TNS3: variants seen among roughly 807,000 people sequenced by gnomAD.
TNS3 encodes tensin 3.
A neutral mutation model predicts 140.9 loss-of-function variants in TNS3; 45 were observed. That is an observed-to-expected ratio of 0.32 (90% CI 0.25 to 0.41). TNS3 has a LOEUF of 0.41. Among genes scored for constraint, TNS3 ranks in the 10% least tolerant of loss-of-function variants. The pLI is 1.00. For missense variants in TNS3, 1,716 were observed against 1,906.7 expected, an observed-to-expected ratio of 0.90 and a Z score of 1.86; for synonymous variants, 815 against 788.4, an observed-to-expected ratio of 1.03 and a Z score of -0.56.
At chr7:47,428,260 G>A (rs1794758602) in intron 9 of TNS3, 52 bp downstream of exon 9, 2 of 1,306,520 alleles carry the variant, frequency 1.5e-6, no homozygotes, top group Admixed American at 3.0e-5. Context: ...TCAGCCCCAT[G>A]CAGGCCCAGC....
chr7:47,293,616 A>G, intron 25 of TNS3, 117 bp downstream of exon 25: 1 of 819,182 alleles, frequency 1.2e-6, no homozygotes, highest in East Asian at 2.5e-5. Flanking sequence ...AGAACTGGGG[A>G]CTGAAATATG....
intron 10 of TNS3, among the ~76,000 whole-genome samples, chr7:47,423,266 T>C (rs552008521): frequency 6.6e-6 from 1 of 152,364 alleles, no homozygotes; most frequent in East Asian, 1.9e-4. Flanking sequence ...AATTCCCTGC[T>C]GTGGGCTTTG....
intron 3 of TNS3, among the ~76,000 whole-genome samples, chr7:47,494,104 A>G (rs938121891): frequency 6.6e-6 from 1 of 152,240 alleles, no homozygotes; most frequent in Non-Finnish European, 1.5e-5. Flanking sequence ...GCAGGTCTAA[A>G]GCTAAACTTC....
At chr7:47,384,530 C>T (rs1791963646) in intron 16 of TNS3, among the ~76,000 whole-genome samples, 1 of 152,224 alleles carries the variant, frequency 6.6e-6, no homozygotes, top group South Asian at 2.1e-4. Context: ...GAGGCCCTGG[C>T]CTTGACTCTT....
intron 20 of TNS3, among the ~76,000 whole-genome samples, chr7:47,335,943 C>T (rs1046645282): frequency 4.6e-5 from 7 of 152,112 alleles, no homozygotes; most frequent in African/African-American, 1.7e-4. Flanking sequence ...CAGGAGAGGA[C>T]CCACCAGACA....
intron 16 of TNS3, among the ~76,000 whole-genome samples, chr7:47,380,376 T>C (rs536201146): frequency 6.6e-6 from 1 of 152,338 alleles, no homozygotes; most frequent in South Asian, 2.1e-4. Flanking sequence ...GAGGTCCTGT[T>C]GGCCTTATCT....
chr7:47,386,334 T>C (rs1490262625), intron 16 of TNS3, among the ~76,000 whole-genome samples: 1 of 152,234 alleles, frequency 6.6e-6, no homozygotes, highest in East Asian at 1.9e-4. Flanking sequence ...GCCCTCCTCC[T>C]GTCCACAGAA....
chr7:47,389,019 AAGAAGAAGAAGAAGAAG>A (rs1792269123), intron 16 of TNS3, among the ~76,000 whole-genome samples: 7 of 2,128 alleles, frequency 3.3e-3, no homozygotes, highest in Non-Finnish European at 0.01. Context: ...GAAGAAGAAG[AAGAAGAAGAAGAAGAAG>A]AAGAAGAAGA....
At chr7:47,465,092 T>C (rs942547963) in intron 4 of TNS3, among the ~76,000 whole-genome samples, 15 of 152,240 alleles carry the variant, frequency 9.9e-5, no homozygotes, top group African/African-American at 3.1e-4. Flanking sequence ...ACCTGGCTAG[T>C]GTGAAACAAC....
chr7:47,526,357 G>A (rs555979458), intron 2 of TNS3, among the ~76,000 whole-genome samples: 119 of 152,348 alleles, frequency 7.8e-4, no homozygotes, highest in Non-Finnish European at 2.9e-5. Flanking sequence ...GATGTGTGGT[G>A]CAGAGGCTAA....
At chr7:47,387,333 C>T (rs975730266) in intron 16 of TNS3, among the ~76,000 whole-genome samples, 5 of 152,212 alleles carry the variant, frequency 3.3e-5, no homozygotes, top group African/African-American at 1.2e-4. Context: ...CCTGGAGCCA[C>T]AGGCATAGAG....
At chr7:47,389,136 A>AAGCAGCAGAAGCAGAAGC in intron 16 of TNS3, among the ~76,000 whole-genome samples, 1 of 40,722 alleles carries the variant, frequency 2.5e-5, no homozygotes, top group Non-Finnish European at 6.4e-5. Flanking sequence ...GAAGAAGAAG[A>AAGCAGCAGAAGCAGAAGC]AGAAGAAGAA....
intron 10 of TNS3, among the ~76,000 whole-genome samples, chr7:47,421,031 T>C (rs1384103983): frequency 6.6e-6 from 1 of 152,094 alleles, no homozygotes; most frequent in East Asian, 1.9e-4. Flanking sequence ...GACTCCCACA[T>C]GGGGCCTCCC....
intron 30 of TNS3, chr7:47,279,048 C>T (rs1584295543): frequency 6.6e-6 from 1 of 152,320 alleles, no homozygotes; most frequent in East Asian, 1.9e-4. Context: ...GTTTCTGCTA[C>T]CAGCCAGAGT....
intron 23 of TNS3, 83 bp downstream of exon 23, chr7:47,302,103 C>T: frequency 1.7e-6 from 2 of 1,171,242 alleles, no homozygotes; most frequent in Admixed American, 3.5e-5. Flanking sequence ...CCGATGTTCC[C>T]ACCGCAGGGC....
At chr7:47,522,181 G>A (rs1366688243) in intron 2 of TNS3, among the ~76,000 whole-genome samples, 2 of 152,234 alleles carry the variant, frequency 1.3e-5, no homozygotes, top group Admixed American at 1.3e-4. Context: ...CAGGCAAGCA[G>A]GATCATAGAT....
At chr7:47,413,903 C>T (rs1169229542) in intron 12 of TNS3, 34 bp downstream of exon 12, 35 of 1,612,788 alleles carry the variant, frequency 2.2e-5, no homozygotes, top group Non-Finnish European at 3.0e-5. Flanking sequence ...CGTCCAGGTC[C>T]CACAACAGCA....
intron 3 of TNS3, among the ~76,000 whole-genome samples, chr7:47,486,221 A>G (rs925124630): frequency 3.3e-5 from 5 of 152,058 alleles, no homozygotes; most frequent in African/African-American, 1.2e-4. Context: ...AGTTATGTGC[A>G]TGGGAGTGTA....
intron 20 of TNS3, among the ~76,000 whole-genome samples, chr7:47,330,124 C>T (rs973173236): frequency 6.6e-6 from 1 of 152,170 alleles, no homozygotes; most frequent in African/African-American, 2.4e-5. Context: ...TCTGCTCCCC[C>T]CACCCAAACA....
Sources: allele counts gnomAD v4.1 joint callset (sites outside exome capture counted in the v4.1 genomes callset), GRCh38; gene constraint gnomAD v4.1.1; transcripts MANE v1.5; gene names NCBI Gene and HGNC (gene_info 2026-07-23, HGNC 2026-07-21).